Variants in GRIN2B observed in about 807,000 individuals in gnomAD.
The protein encoded by GRIN2B is glutamate receptor ionotropic, NMDA 2B.
Under a neutral mutation model 114.5 loss-of-function variants are expected in GRIN2B, and 5 were observed. The ratio of observed to expected loss-of-function variants is 0.04; its 90% CI spans 0.02 to 0.09. The LOEUF (loss-of-function observed/expected upper bound fraction) is 0.09. GRIN2B is among the 10% of genes least tolerant of loss of function. The probability of loss-of-function intolerance (pLI) is 1.00; values close to 1 mark genes in which losing one functional copy is unlikely to be tolerated. For missense variants in GRIN2B, 1,108 were observed against 1,943.5 expected, an observed-to-expected ratio of 0.57 and a Z score of 8.08; for synonymous variants, 787 against 745.1, an observed-to-expected ratio of 1.06 and a Z score of -0.92.
rs545038331 is a variant in GRIN2B at position 13,540,908 on chromosome 12, A to T, written c.*21875T>A. ...GACATCACACAGGAAAGCTATGACCATTTCCCCTCTGCCATGTGACTTTGG... is the reference window on the plus strand; with the variant it reads ...GACATCACACAGGAAAGCTATGACCTTTTCCCCTCTGCCATGTGACTTTGG... On this transcript the variant is annotated 3_prime_UTR_variant, in exon 14 of 14. Coordinates refer to ENST00000609686, the MANE Select transcript of GRIN2B (RefSeq NM_000834.5). 6.6e-6 allele frequency: 1 copy of T among 152,202 alleles called. No individual in the cohort carries two copies. The highest frequency in any genetic ancestry group is 2.1e-4 in the South Asian group (1 of 4,818). 9.4% of individuals were successfully genotyped at this position (152,202 alleles called of 1,614,324 possible). A position where few individuals can be genotyped will look rare whatever the true frequency, so the allele number is the denominator to read the frequency against.
intron 3 of GRIN2B, among the ~76,000 whole-genome samples, chr12:13,856,371 A>C (rs1422954335): frequency 6.6e-6 from 1 of 152,150 alleles, no homozygotes; most frequent in African/African-American, 2.4e-5. Flanking sequence ...GTTTTAAGCA[A>C]AAAAGTAATA....
At chr12:13,908,100 T>A (rs1323827784) in intron 2 of GRIN2B, among the ~76,000 whole-genome samples, 1 of 152,152 alleles carries the variant, frequency 6.6e-6, no homozygotes. Flanking sequence ...ACTGTATACT[T>A]TTTCCTAAAC....
At chr12:13,921,990 G>A (rs1463917760) in intron 2 of GRIN2B, among the ~76,000 whole-genome samples, 1 of 152,140 alleles carries the variant, frequency 6.6e-6, no homozygotes, top group East Asian at 1.9e-4. Context: ...CTAAGCCTTA[G>A]GTTCTGTATC....
Position 13,666,191 on chromosome 12 carries a change from T to C in GRIN2B, c.1125+9554A>G, listed in dbSNP as rs961993954. Reference sequence around the variant, plus strand: ...CCCTCCCCAGTGACTGCCTTCTATGTGCACTCTTCTCCTTCCAGGGTCATA... The same window carrying C: ...CCCTCCCCAGTGACTGCCTTCTATGCGCACTCTTCTCCTTCCAGGGTCATA... On this transcript the variant is annotated intron_variant, in intron 5 of 13. Coordinates refer to ENST00000609686, the MANE Select transcript of GRIN2B (RefSeq NM_000834.5). Among the ~76,000 whole-genome samples the C allele has an allele frequency of 2.6e-5, 4 of 152,302 alleles. No individual in the cohort carries two copies. In the South Asian group the frequency reaches 8.3e-4, roughly 32 times the overall value.
At chr12:13,646,821 C>T (rs542700892) in intron 5 of GRIN2B, among the ~76,000 whole-genome samples, 1 of 152,016 alleles carries the variant, frequency 6.6e-6, no homozygotes. Context: ...AGCCACTGCA[C>T]CCAGCCACAA....
At chr12:13,889,725 T>C (rs964835839) in intron 2 of GRIN2B, among the ~76,000 whole-genome samples, 1 of 152,186 alleles carries the variant, frequency 6.6e-6, no homozygotes, top group Non-Finnish European at 1.5e-5. Flanking sequence ...CCTGGCATTA[T>C]GGAATGGCAG....
At chr12:13,971,866 C>T (rs374796730) in intron 2 of GRIN2B, among the ~76,000 whole-genome samples, 4 of 152,154 alleles carry the variant, frequency 2.6e-5, no homozygotes, top group African/African-American at 9.7e-5. Flanking sequence ...GTTGAGAGAG[C>T]TTCCCTTAAT....
At chr12:13,766,321 G>A (rs1484125322) in intron 3 of GRIN2B, among the ~76,000 whole-genome samples, 1 of 152,220 alleles carries the variant, frequency 6.6e-6, no homozygotes, top group Non-Finnish European at 1.5e-5. Context: ...ATGGTGAGAA[G>A]AGAGGGCACT....
chr12:13,941,636 C>T (rs950238493), intron 2 of GRIN2B, among the ~76,000 whole-genome samples: 13 of 152,144 alleles, frequency 8.5e-5, no homozygotes, highest in African/African-American at 2.7e-4. Context: ...GCATAAACTG[C>T]CCTTAAACTG....
intron 4 of GRIN2B, among the ~76,000 whole-genome samples, chr12:13,733,266 G>A (rs1565517172): frequency 6.7e-6 from 1 of 149,938 alleles, no homozygotes. Flanking sequence ...AACCTATTAG[G>A]TAAAAGAAGT....
Position 13,753,282 on chromosome 12 carries a change from C to T in GRIN2B, c.1010+35G>A. 4 of 1,207,460 alleles carry T rather than the reference C, an allele frequency of 3.3e-6. No homozygotes were observed. Among genetic ancestry groups the T allele is most frequent in the East Asian group, 2.3e-5 (1 of 43,032 alleles). 74.8% of individuals were successfully genotyped at this position (1,207,460 alleles called of 1,614,324 possible). A position where few individuals can be genotyped will look rare whatever the true frequency, so the allele number is the denominator to read the frequency against. On this transcript the variant is annotated intron_variant, in intron 4 of 13. Transcript: ENST00000609686. This position sits in a 1 kb window ranked among gnomAD's most constrained non-coding sequence, Gnocchi z 6.2. ...CCAGTCTTTGAAGCTCCCCTCTCAT[C>T]TCCACCATCAATGTGCCCTCTGTTC...
At chr12:13,607,366 A>T (rs1445519913) in intron 10 of GRIN2B, among the ~76,000 whole-genome samples, 2 of 44,818 alleles carry the variant, frequency 4.5e-5, no homozygotes, top group African/African-American at 1.9e-4. Context: ...TATAATATAT[A>T]TTATATATTA....
At chr12:13,790,768 T>C (rs1464735036) in intron 3 of GRIN2B, among the ~76,000 whole-genome samples, 2 of 152,192 alleles carry the variant, frequency 1.3e-5, no homozygotes, top group Non-Finnish European at 2.9e-5. Flanking sequence ...CTCTTGTTGA[T>C]GAAGCTGTTA....
At chr12:13,737,526 A>G (rs1462475064) in intron 4 of GRIN2B, among the ~76,000 whole-genome samples, 1 of 152,160 alleles carries the variant, frequency 6.6e-6, no homozygotes, top group Non-Finnish European at 1.5e-5. Context: ...TTCATATAAT[A>G]TCTTAAATGT....
intron 3 of GRIN2B, among the ~76,000 whole-genome samples, chr12:13,791,484 C>G (rs903707362): frequency 1.3e-5 from 2 of 150,768 alleles, no homozygotes; most frequent in African/African-American, 4.9e-5. Context: ...AATTCCATGT[C>G]ATGTGAAAGG....
chr12:13,860,781 C>A (rs1204842895), intron 3 of GRIN2B, among the ~76,000 whole-genome samples: 1 of 152,180 alleles, frequency 6.6e-6, no homozygotes, highest in African/African-American at 2.4e-5. Flanking sequence ...CAGATCCTGA[C>A]CCTTTACTCA....
chr12:13,864,223 T>C (rs941230395), intron 3 of GRIN2B, among the ~76,000 whole-genome samples: 8 of 152,218 alleles, frequency 5.3e-5, no homozygotes, highest in African/African-American at 1.9e-4. Flanking sequence ...TTTCCTAGAC[T>C]GAAGGGAAGC....
rs1368168706 is a variant in GRIN2B at position 13,743,135 on chromosome 12, A to G, written c.1010+10182T>C. Among the ~76,000 whole-genome samples, 3 of 152,198 alleles carry G rather than the reference A, an allele frequency of 2.0e-5. No individual in the cohort carries two copies. In the East Asian group the frequency reaches 5.8e-4, roughly 29 times the overall value. Reference sequence around the variant, plus strand: ...CACACCATAGATAACCCAACTGCCCACAAGCTTCTTAGAAGTATGTGTAAA... The same window carrying G: ...CACACCATAGATAACCCAACTGCCCGCAAGCTTCTTAGAAGTATGTGTAAA... On this transcript the variant is annotated intron_variant, in intron 4 of 13. Coordinates refer to ENST00000609686, the MANE Select transcript of GRIN2B (RefSeq NM_000834.5).
At chr12:13,977,193 C>A (rs1373214369) in intron 2 of GRIN2B, among the ~76,000 whole-genome samples, 1 of 152,210 alleles carries the variant, frequency 6.6e-6, no homozygotes, top group Admixed American at 6.5e-5. Flanking sequence ...CTTATTGATT[C>A]TCTCTGCCTG....
Sources: gnomAD v4.1 joint callset for allele counts (sites outside exome capture counted in the v4.1 genomes callset) on GRCh38, gnomAD v4.1.1 for gene constraint, Gnocchi (gnomAD v3.1) non-coding constraint, MANE v1.5 for transcripts, NCBI Gene and HGNC (gene_info 2026-07-23, HGNC 2026-07-21) for gene names.